Variants in DNAH11 observed in about 807,000 individuals in gnomAD.
The protein encoded by DNAH11 is dynein axonemal heavy chain 11.
A neutral mutation model predicts 526.0 loss-of-function variants in DNAH11; 442 were observed. The ratio of observed to expected loss-of-function variants is 0.84; its 90% confidence interval spans 0.78 to 0.91. The LOEUF (loss-of-function observed/expected upper bound fraction) is 0.91. Among genes scored for constraint, DNAH11 ranks in the 40% least tolerant of loss-of-function variants. The pLI, the probability that DNAH11 is intolerant of heterozygous loss-of-function variation, is 0.00. For synonymous variants in DNAH11, 2,461 were observed against 1,935.9 expected (o/e 1.27, Z -7.12); for missense variants, 6,989 against 5,448.7 (o/e 1.28, Z -8.90).
At chr7:21,697,469 A>T (rs185598279) in intron 35 of DNAH11, among the ~76,000 whole-genome samples, 27 of 152,324 alleles carry the variant, frequency 1.8e-4, no homozygotes, top group Admixed American at 1.6e-3. Context: ...AATTGTATCA[A>T]CTTTTGATTC....
In DNAH11 at chr7:21,558,918, C is replaced by A. The variant is rs762175035; in HGVS notation, c.612C>A (p.Gly204=). The change falls in exon 3 of 82, where the codon GGC becomes GGA. Residue 204 remains glycine, a synonymous_variant. Coordinates refer to ENST00000409508, the MANE Select transcript of DNAH11 (RefSeq NM_001277115.2). The part of the protein sequence containing the change: ...VMKKKMYIFR[G]KMSRRTLLPI... ...AAAAGAAGATGTATATTTTTAGGGG[C>A]AAAATGTCTAGAAGAACTCTTCTAC... The A allele has an allele frequency of 6.2e-7, 1 of 1,600,008 alleles. No individual in the cohort carries two copies. The highest frequency in any genetic ancestry group is 8.5e-7 in the Non-Finnish European group (1 of 1,172,666).
At chr7:21,651,238 C>T (rs550160295) in intron 28 of DNAH11, among the ~76,000 whole-genome samples, 34 of 152,252 alleles carry the variant, frequency 2.2e-4, no homozygotes, top group Admixed American at 5.9e-4. Flanking sequence ...CATTAATAAG[C>T]GGCAGCAGCA....
intron 55 of DNAH11, among the ~76,000 whole-genome samples, chr7:21,770,018 A>G (rs183760466): frequency 6.6e-6 from 1 of 152,262 alleles, no homozygotes; most frequent in African/African-American, 2.4e-5. Flanking sequence ...ACAACTCAAA[A>G]CAAAAAAACA....
rs1782766892 is a variant in DNAH11 at position 21,545,298 on chromosome 7, C to CAAA, written c.495+149_495+150insAAA. The CAAA allele has an allele frequency of 2.6e-4, 101 of 392,608 alleles. No individual in the cohort carries two copies. The African/African-American group carries it at 6.9e-3, about 27-fold the overall frequency. 24.3% of individuals were successfully genotyped at this position (392,608 alleles called of 1,614,324 possible). A position where few individuals can be genotyped will look rare whatever the true frequency, so the allele number is the denominator to read the frequency against. On this transcript the variant is annotated intron_variant, in intron 2 of 81. Coordinates refer to ENST00000409508, the MANE Select transcript of DNAH11 (RefSeq NM_001277115.2). ...TTAAAAAAAAAAAAAAAAAAAAAAG[C>CAAA]TTGTAGAAGCCAGGAGTCTCTAGCC...
In DNAH11 at chr7:21,784,438, T is replaced by C; in HGVS notation, c.9495T>C (p.Ile3165=). 6.2e-7 allele frequency: 1 copy of C among 1,613,018 alleles called. No individual in the cohort carries two copies. Among genetic ancestry groups the C allele is most frequent in the Non-Finnish European group, 8.5e-7 (1 of 1,179,412 alleles). Residue 3165 remains isoleucine, a synonymous_variant, in exon 58 of 82, where the codon ATT becomes ATC. Coordinates refer to ENST00000409508, the MANE Select transcript of DNAH11 (RefSeq NM_001277115.2). ...ADAEERKVTA[I]QTEVFQKQRE... ...TCCTCTTTAATTAGGTGACAGCCAT[T>C]CAGACTGAAGTGTTCCAGAAACAGA...
intron 55 of DNAH11, 56 bp downstream of exon 55, chr7:21,765,645 C>G: frequency 9.0e-7 from 1 of 1,115,168 alleles, no homozygotes; most frequent in Admixed American, 2.9e-5. Context: ...CACACACACA[C>G]ACACACACAC....
chr7:21,698,298 C>A, intron 36 of DNAH11, 85 bp downstream of exon 36: 2 of 1,545,670 alleles, frequency 1.3e-6, no homozygotes, highest in Non-Finnish European at 1.7e-6. Flanking sequence ...ATTTATCATT[C>A]AAATTACATT....
At position 21,731,636 on chromosome 7, in the gene DNAH11, A is replaced by G. The variant is rs114992579; in HGVS notation, c.7441-4004A>G. Among the ~76,000 whole-genome samples the G allele has an allele frequency of 2.5e-3, 381 of 152,336 alleles. 5 individuals are homozygous for G. Among genetic ancestry groups the G allele is most frequent in the African/African-American group, 7.2e-3 (300 of 41,576 alleles). On this transcript the variant is annotated intron_variant, in intron 45 of 81. Coordinates refer to ENST00000409508, the MANE Select transcript of DNAH11 (RefSeq NM_001277115.2). ...CTGTACAGTAGTCCCTCACTTATCCATGGCTTTGCTTTCTGAGGTTTTGGT... is the reference window on the plus strand; with the variant it reads ...CTGTACAGTAGTCCCTCACTTATCCGTGGCTTTGCTTTCTGAGGTTTTGGT...
intron 60 of DNAH11, among the ~76,000 whole-genome samples, chr7:21,788,899 C>T (rs952877825): frequency 6.6e-6 from 1 of 152,176 alleles, no homozygotes; most frequent in African/African-American, 2.4e-5. Flanking sequence ...GTACTTGTAA[C>T]TCTAAGGTCC....
In DNAH11 at chr7:21,744,852, C is replaced by A; in HGVS notation, c.8317-18C>A. ...TGGATGGTTGACATGCCATATTTTT[C>A]TCTTTCTCATCCTGCAGGGTATAGA... is the stretch of plus-strand genomic sequence containing the variant. On this transcript the variant is annotated intron_variant, in intron 50 of 81. Transcript: ENST00000409508. 1 of 1,591,614 alleles carries A rather than the reference C, an allele frequency of 6.3e-7. No homozygotes were observed. The highest frequency in any genetic ancestry group is 1.2e-5 in the South Asian group (1 of 86,298).
chr7:21,748,638 G>A lies in DNAH11; in HGVS notation c.8569G>A (p.Gly2857Arg). 6.2e-7 allele frequency: 1 copy of A among 1,613,098 alleles called. No individual in the cohort carries two copies. Among genetic ancestry groups the A allele is most frequent in the Middle Eastern group, 1.7e-4 (1 of 6,048 alleles). The change falls in exon 52 of 82, where the codon GGG (glycine) becomes AGG (arginine). Residue 2857 changes from glycine to arginine, a missense_variant. Coordinates refer to ENST00000409508, the MANE Select transcript of DNAH11 (RefSeq NM_001277115.2). ...PQGCALLVGVGGSGKQSLSRL... is the reference protein window; with the variant it reads ...PQGCALLVGVRGSGKQSLSRL... ...GGGCTGTGCTCTCTTGGTTGGAGTT[G>A]GGGGCAGTGGCAAGCAGAGCTTGTC...
chr7:21,702,343 C>A (rs1282159510), intron 36 of DNAH11, among the ~76,000 whole-genome samples: 1 of 152,092 alleles, frequency 6.6e-6, no homozygotes, highest in Non-Finnish European at 1.5e-5. Flanking sequence ...ATGAAACCAG[C>A]ACAGGTGGAG....
At chr7:21,563,811 A>G (rs76526870) in intron 5 of DNAH11, among the ~76,000 whole-genome samples, 1,781 of 152,350 alleles carry the variant, frequency 0.012, 58 homozygotes, top group South Asian at 0.08. Context: ...TTAACATTCT[A>G]GTGATGAAGT....
intron 35 of DNAH11, among the ~76,000 whole-genome samples, chr7:21,692,793 G>C (rs1394842282): frequency 6.6e-6 from 1 of 152,184 alleles, no homozygotes; most frequent in Non-Finnish European, 1.5e-5. Context: ...CACCATCAAT[G>C]CATGAGAATT....
At position 21,808,022 on chromosome 7, in the gene DNAH11, C is replaced by T. The variant is rs778623851; in HGVS notation, c.10305C>T (p.Cys3435=). ...AGTATCGCCAGGAGCTGGTGCACTGCAAGTGGGTTCCCTTTCTTCAACAGA... is the reference window on the plus strand; with the variant it reads ...AGTATCGCCAGGAGCTGGTGCACTGTAAGTGGGTTCCCTTTCTTCAACAGA... The part of the protein sequence containing the change: ...TRQYRQELVH[C]KWVPFLQQKV... The change falls in exon 63 of 82, where the codon TGC becomes TGT. Residue 3435 remains cysteine (C), a synonymous_variant. Coordinates refer to ENST00000409508, the MANE Select transcript of DNAH11 (RefSeq NM_001277115.2). The T allele has an allele frequency of 3.8e-6, 6 of 1,561,918 alleles. No individual in the cohort carries two copies. The highest frequency in any genetic ancestry group is 5.2e-6 in the Non-Finnish European group (6 of 1,145,144).
chr7:21,557,356 A>G (rs774302215), intron 2 of DNAH11, among the ~76,000 whole-genome samples: 2 of 152,192 alleles, frequency 1.3e-5, no homozygotes, highest in Non-Finnish European at 2.9e-5. Context: ...AAAATACCAC[A>G]GACTTGATGG....
At chr7:21,892,745 C>G in intron 77 of DNAH11, 78 bp downstream of exon 77, 3 of 1,439,648 alleles carry the variant, frequency 2.1e-6, no homozygotes, top group Non-Finnish European at 1.8e-6. Flanking sequence ...CTTAATTGTG[C>G]AAATCAATAA....
intron 73 of DNAH11, among the ~76,000 whole-genome samples, chr7:21,872,733 A>G (rs1308600967): frequency 2.0e-5 from 3 of 152,238 alleles, no homozygotes; most frequent in Admixed American, 6.5e-5. Context: ...GGAATAAACA[A>G]AACATCTTAA....
intron 35 of DNAH11, 79 bp from the exon 36 acceptor site, chr7:21,697,996 G>A (rs368555568): frequency 7.7e-6 from 11 of 1,437,836 alleles, no homozygotes; most frequent in African/African-American, 5.7e-5. Context: ...ATGTTGGTAC[G>A]AAATAACCAC....
Sources: allele counts gnomAD v4.1 joint callset (sites outside exome capture counted in the v4.1 genomes callset), GRCh38; gene constraint gnomAD v4.1.1; transcripts MANE v1.5; gene names NCBI Gene and HGNC (gene_info 2026-07-23, HGNC 2026-07-21).